The following NTRK3 variants were observed in gnomAD, a reference collection of about 807,000 sequenced individuals.
NTRK3 encodes the protein NT-3 growth factor receptor.
Under a neutral mutation model 91.7 loss-of-function variants are expected in NTRK3, and 24 were observed. That is an observed-to-expected ratio of 0.26 (90% CI 0.19 to 0.37). The LOEUF is 0.37. NTRK3 is among the 10% of genes least tolerant of loss of function. The probability of loss-of-function intolerance (pLI) is 1.00; values close to 1 mark genes in which losing one functional copy is unlikely to be tolerated. For missense variants in NTRK3, 880 were observed against 1,068.9 expected, an observed-to-expected ratio of 0.82 and a Z score of 2.46; for synonymous variants, 483 against 404.0, an observed-to-expected ratio of 1.20 and a Z score of -2.34.
intron 3 of NTRK3, among the ~76,000 whole-genome samples, chr15:88,191,498 C>T (rs2047389208): frequency 6.6e-6 from 1 of 152,194 alleles, no homozygotes; most frequent in African/African-American, 2.4e-5. Context: ...AATTCAAAAG[C>T]TTCAAAAACA....
chr15:88,130,947 AC>A (rs1186300996), intron 10 of NTRK3, among the ~76,000 whole-genome samples: 1 of 152,256 alleles, frequency 6.6e-6, no homozygotes, highest in African/African-American at 2.4e-5. Flanking sequence ...TAAGATGTTA[AC>A]ATCTGGGGAA....
chr15:87,877,974 C>A (rs959829348), intron 18 of NTRK3, among the ~76,000 whole-genome samples: 2 of 152,188 alleles, frequency 1.3e-5, no homozygotes, highest in East Asian at 3.9e-4. Flanking sequence ...CCTGGCCAAC[C>A]CCAGCAGGCC....
At position 87,919,571 on chromosome 15, in the gene NTRK3, A is replaced by T. The variant is rs151193698; in HGVS notation, c.2133+9620T>A. Among the ~76,000 whole-genome samples, 320 of 152,336 alleles carry T rather than the reference A, an allele frequency of 2.1e-3. 1 individual carries two copies. The highest frequency in any genetic ancestry group is 7.5e-3 in the African/African-American group (312 of 41,564). On this transcript the variant is annotated intron_variant, in intron 17 of 18. Coordinates refer to ENST00000394480, the Ensembl canonical transcript of NTRK3. ...TACCACCATATTGAAATAAAGTATA[A>T]AATGCTCTAGAAAGGGTGGAGGTAT...
intron 14 of NTRK3, among the ~76,000 whole-genome samples, chr15:88,012,424 G>A (rs1001691535): frequency 6.6e-6 from 1 of 152,134 alleles, no homozygotes; most frequent in Admixed American, 6.6e-5. Flanking sequence ...TCTCACTCAG[G>A]ACACTCTGAC....
intron 3 of NTRK3, among the ~76,000 whole-genome samples, chr15:88,193,879 A>G (rs758162688): frequency 6.6e-6 from 1 of 152,158 alleles, no homozygotes. Context: ...CTACCAACTC[A>G]TGTGTCTACG....
At chr15:87,903,999 C>A (rs1425095921) in intron 17 of NTRK3, among the ~76,000 whole-genome samples, 1 of 152,136 alleles carries the variant, frequency 6.6e-6, no homozygotes, top group South Asian at 2.1e-4. Flanking sequence ...CTTATGCTCT[C>A]CTTGTGTACC....
intron 3 of NTRK3, among the ~76,000 whole-genome samples, chr15:88,192,453 A>T (rs2047484553): frequency 6.6e-6 from 1 of 152,138 alleles, no homozygotes; most frequent in Non-Finnish European, 1.5e-5. Flanking sequence ...TGCTCCCGGT[A>T]ACCACCACCT....
intron 13 of NTRK3, among the ~76,000 whole-genome samples, chr15:88,082,707 T>C (rs1036335827): frequency 1.3e-5 from 2 of 152,354 alleles, no homozygotes; most frequent in East Asian, 1.9e-4. Flanking sequence ...ATGTAGTGAT[T>C]CCTACTCTAG....
chr15:87,930,623 G>C (rs1474484808), intron 16 of NTRK3, among the ~76,000 whole-genome samples: 3 of 152,152 alleles, frequency 2.0e-5, no homozygotes, highest in African/African-American at 7.2e-5. Context: ...GTGAGAGCAG[G>C]CAGGGTTGGC....
At chr15:88,014,047 A>G (rs780927069) in intron 14 of NTRK3, among the ~76,000 whole-genome samples, 4 of 152,204 alleles carry the variant, frequency 2.6e-5, no homozygotes, top group Non-Finnish European at 5.9e-5. Flanking sequence ...ATAACAAAAT[A>G]TCGCTCCAAA....
intron 18 of NTRK3, among the ~76,000 whole-genome samples, chr15:87,879,782 C>T (rs998832941): frequency 5.9e-5 from 9 of 151,980 alleles, no homozygotes; most frequent in East Asian, 1.9e-4. Flanking sequence ...AAAATAAACA[C>T]GGTTTATTTT....
At chr15:87,950,391 G>T (rs1472445455) in intron 14 of NTRK3, among the ~76,000 whole-genome samples, 1 of 152,110 alleles carries the variant, frequency 6.6e-6, no homozygotes, top group Non-Finnish European at 1.5e-5. Flanking sequence ...GCTGCTTCAG[G>T]CAGAATAAGG....
At position 88,163,013 on chromosome 15, in the gene NTRK3, A is replaced by C. The variant is rs138465303; in HGVS notation, c.396-15610T>G. On this transcript the variant is annotated intron_variant, in intron 5 of 18. Transcript: ENST00000394480. ...CACTTGGTATAAGAAGGGCACACAA[A>C]ACCTTCTCTTCCCAGTCCACCTGAG... 6.4e-3 allele frequency among the ~76,000 whole-genome samples: 966 copies of C among 152,090 alleles called. 13 individuals carry two copies. Among genetic ancestry groups the C allele is most frequent in the African/African-American group, 0.02 (831 of 41,492 alleles).
chr15:88,095,116 A>C (rs888803747), intron 13 of NTRK3, among the ~76,000 whole-genome samples: 1 of 152,192 alleles, frequency 6.6e-6, no homozygotes, highest in Admixed American at 6.5e-5. Flanking sequence ...AATGACATTC[A>C]ATCACTGCAA....
At chr15:88,084,488 G>T (rs2048327307) in intron 13 of NTRK3, among the ~76,000 whole-genome samples, 1 of 152,204 alleles carries the variant, frequency 6.6e-6, no homozygotes, top group Non-Finnish European at 1.5e-5. Flanking sequence ...ACTCAAAACA[G>T]AATGCTGCAA....
chr15:87,917,182 T>G (rs1567104733), intron 17 of NTRK3, among the ~76,000 whole-genome samples: 3 of 152,182 alleles, frequency 2.0e-5, no homozygotes, highest in Admixed American at 6.5e-5. Flanking sequence ...CATACTTACC[T>G]TGTAGCAGGT....
chr15:87,965,731 C>T (rs2072731994), intron 14 of NTRK3, among the ~76,000 whole-genome samples: 1 of 152,222 alleles, frequency 6.6e-6, no homozygotes, highest in African/African-American at 2.4e-5. Flanking sequence ...ATTCTTTGAA[C>T]TGCCATTTTT....
intron 10 of NTRK3, among the ~76,000 whole-genome samples, chr15:88,129,612 T>C (rs374698631): frequency 6.6e-6 from 1 of 152,170 alleles, no homozygotes; most frequent in African/African-American, 2.4e-5. Flanking sequence ...GAGAAATGGA[T>C]GATTTCAGGG....
intron 14 of NTRK3, among the ~76,000 whole-genome samples, chr15:87,971,866 T>A (rs369323234): frequency 3.9e-5 from 6 of 152,314 alleles, no homozygotes; most frequent in African/African-American, 1.4e-4. Flanking sequence ...TTTTTGAAGG[T>A]CAGGATTTCA....
Sources: allele counts gnomAD v4.1 joint callset (sites outside exome capture counted in the v4.1 genomes callset), GRCh38; gene constraint gnomAD v4.1.1; transcripts MANE v1.5; gene names NCBI Gene and HGNC (gene_info 2026-07-23, HGNC 2026-07-21).